KCNQ3: variants seen among roughly 807,000 people sequenced by gnomAD.
The protein encoded by KCNQ3 is potassium voltage-gated channel subfamily Q member 3, also known as potassium voltage-gated channel subfamily KQT member 3.
A neutral mutation model predicts 92.5 loss-of-function variants in KCNQ3; 30 were observed. The observed-to-expected ratio is 0.32, with a 90% confidence interval of 0.24 to 0.44. The LOEUF (loss-of-function observed/expected upper bound fraction) is 0.44, where lower values mean the gene tolerates loss of function less well. Ranked by LOEUF, KCNQ3 falls within the 20% of genes least tolerant of loss-of-function variation. The pLI is 1.00. For synonymous variants in KCNQ3, 450 were observed against 468.8 expected (o/e 0.96, Z 0.52); for missense variants, 913 against 1,140.3 (o/e 0.80, Z 2.87).
intron 1 of KCNQ3, among the ~76,000 whole-genome samples, chr8:132,387,384 G>C (rs969963401): frequency 2.0e-5 from 3 of 152,130 alleles, no homozygotes; most frequent in Non-Finnish European, 4.4e-5. Flanking sequence ...AAAATCAGTA[G>C]CATAGAAAGA....
At chr8:132,343,864 T>C (rs185393981) in intron 1 of KCNQ3, among the ~76,000 whole-genome samples, 101 of 152,298 alleles carry the variant, frequency 6.6e-4, no homozygotes, top group Non-Finnish European at 1.1e-3. Context: ...GGCGTATCTG[T>C]GCCAAATCTG....
intron 1 of KCNQ3, among the ~76,000 whole-genome samples, chr8:132,215,237 A>T (rs577177184): frequency 6.6e-6 from 1 of 152,382 alleles, no homozygotes; most frequent in East Asian, 1.9e-4. Flanking sequence ...AATGGGATTA[A>T]TAACAATATT....
intron 4 of KCNQ3, among the ~76,000 whole-genome samples, chr8:132,176,995 T>C (rs1586802833): frequency 6.6e-6 from 1 of 152,238 alleles, no homozygotes; most frequent in Non-Finnish European, 1.5e-5. Flanking sequence ...GGTTCTGTGC[T>C]GCAGGGAATT....
chr8:132,254,068 T>C (rs1250607849), intron 1 of KCNQ3, among the ~76,000 whole-genome samples: 1 of 152,208 alleles, frequency 6.6e-6, no homozygotes, highest in African/African-American at 2.4e-5. Context: ...TAAGTGTGAC[T>C]CAGTGATCAA....
intron 1 of KCNQ3, among the ~76,000 whole-genome samples, chr8:132,192,148 T>C (rs960044570): frequency 6.6e-6 from 1 of 152,128 alleles, no homozygotes; most frequent in Non-Finnish European, 1.5e-5. Flanking sequence ...AAAATGCAGT[T>C]TCAGCCGATT....
intron 13 of KCNQ3, among the ~76,000 whole-genome samples, chr8:132,133,354 C>CTTT (rs10673519): frequency 0.28 from 29,397 of 103,304 alleles, 6,032 homozygotes; most frequent in Non-Finnish European, 0.36. Flanking sequence ...GCTCTCGATT[C>CTTT]TTTTTTTTTT....
chr8:132,352,772 T>C (rs1347946477), intron 1 of KCNQ3, among the ~76,000 whole-genome samples: 3 of 152,174 alleles, frequency 2.0e-5, no homozygotes, highest in Non-Finnish European at 2.9e-5. Context: ...CATAGCTGAT[T>C]TCATGAGTTT....
At chr8:132,422,370 T>C (rs1820991460) in intron 1 of KCNQ3, among the ~76,000 whole-genome samples, 3 of 152,176 alleles carry the variant, frequency 2.0e-5, no homozygotes, top group African/African-American at 7.2e-5. Context: ...ATCGCTGACC[T>C]GGTTCCCCAC....
chr8:132,438,085 C>T (rs544005958), intron 1 of KCNQ3, among the ~76,000 whole-genome samples: 5 of 152,256 alleles, frequency 3.3e-5, no homozygotes, highest in Admixed American at 6.5e-5. Context: ...TGAGATGGTG[C>T]CACATAATAA....
At chr8:132,427,338 T>G (rs947991023) in intron 1 of KCNQ3, among the ~76,000 whole-genome samples, 1 of 152,158 alleles carries the variant, frequency 6.6e-6, no homozygotes, top group Non-Finnish European at 1.5e-5. Flanking sequence ...ATAAATGAAC[T>G]GATGATTTCT....
At chr8:132,322,112 C>T (rs552892230) in intron 1 of KCNQ3, among the ~76,000 whole-genome samples, 6 of 152,016 alleles carry the variant, frequency 3.9e-5, no homozygotes, top group South Asian at 2.1e-4. Context: ...AGTCATATGA[C>T]GGGTAGTGGG....
At chr8:132,176,412 A>G (rs889039014) in intron 4 of KCNQ3, among the ~76,000 whole-genome samples, 1 of 152,132 alleles carries the variant, frequency 6.6e-6, no homozygotes, top group African/African-American at 2.4e-5. Context: ...CTCTCATTCT[A>G]TTCCAGTTTC....
intron 1 of KCNQ3, among the ~76,000 whole-genome samples, chr8:132,363,945 C>T (rs577777920): frequency 1.3e-5 from 2 of 152,022 alleles, no homozygotes; most frequent in Non-Finnish European, 2.9e-5. Context: ...AACTCAGATG[C>T]AATTATCTGT....
chr8:132,477,542 G>A (rs1453459432), intron 1 of KCNQ3, among the ~76,000 whole-genome samples: 4 of 152,202 alleles, frequency 2.6e-5, no homozygotes, highest in Non-Finnish European at 5.9e-5. Flanking sequence ...CTAAGCTGCA[G>A]GGAGAATGTA....
intron 1 of KCNQ3, among the ~76,000 whole-genome samples, chr8:132,299,751 C>T (rs879920766): frequency 6.6e-4 from 100 of 151,506 alleles, no homozygotes; most frequent in Non-Finnish European, 1.3e-3. Context: ...CTGTAGATCC[C>T]ATTGCCTCTT....
At chr8:132,467,838 A>T (rs1430398893) in intron 1 of KCNQ3, among the ~76,000 whole-genome samples, 1 of 152,212 alleles carries the variant, frequency 6.6e-6, no homozygotes, top group Non-Finnish European at 1.5e-5. Context: ...GCCAGAGGAA[A>T]CAAGACTCTT....
At chr8:132,252,228 A>C (rs929330115) in intron 1 of KCNQ3, among the ~76,000 whole-genome samples, 1 of 152,182 alleles carries the variant, frequency 6.6e-6, no homozygotes, top group African/African-American at 2.4e-5. Flanking sequence ...GTGGACCCTC[A>C]TGGTGAGTGC....
At chr8:132,206,804 C>T (rs1406116861) in intron 1 of KCNQ3, among the ~76,000 whole-genome samples, 2 of 151,926 alleles carry the variant, frequency 1.3e-5, no homozygotes, top group African/African-American at 4.8e-5. Context: ...TTTCTTTCAT[C>T]GATCTTTTGT....
intron 1 of KCNQ3, among the ~76,000 whole-genome samples, chr8:132,350,540 G>T (rs1818830100): frequency 6.6e-6 from 1 of 152,162 alleles, no homozygotes. Context: ...CCCAGTAAGG[G>T]TGGGCACTAC....
Sources: allele counts gnomAD v4.1 joint callset (sites outside exome capture counted in the v4.1 genomes callset), GRCh38; gene constraint gnomAD v4.1.1; transcripts MANE v1.5; gene names NCBI Gene and HGNC (gene_info 2026-07-23, HGNC 2026-07-21).